The following PPFIA2 variants were observed in gnomAD, a reference collection of about 807,000 sequenced individuals.
The protein encoded by PPFIA2 is PPFI scaffold protein A2.
A neutral mutation model predicts 175.5 loss-of-function variants in PPFIA2; 46 were observed. The ratio of observed to expected loss-of-function variants is 0.26; its 90% CI spans 0.21 to 0.34. The LOEUF is 0.34. PPFIA2 is among the 10% of genes least tolerant of loss of function. PPFIA2 has a pLI of 1.00. For synonymous variants in PPFIA2, 568 were observed against 511.4 expected (o/e 1.11, Z -1.49); for missense variants, 1,179 against 1,506.1 (o/e 0.78, Z 3.60).
chr12:81,391,583 C>T (rs555356229), intron 8 of PPFIA2, among the ~76,000 whole-genome samples: 83 of 152,050 alleles, frequency 5.5e-4, no homozygotes, highest in African/African-American at 2.0e-3. Flanking sequence ...AAAGCCATTC[C>T]TATCTGTAAT....
chr12:81,664,147 A>C (rs1482730500), intron 4 of PPFIA2, among the ~76,000 whole-genome samples: 1 of 152,218 alleles, frequency 6.6e-6, no homozygotes, highest in African/African-American at 2.4e-5. Context: ...TTCATGTCTA[A>C]AACACCAAAA....
chr12:81,309,075 T>C lies in PPFIA2; in HGVS notation c.2643-9693A>G, dbSNP rs143697393. 9.0e-3 allele frequency among the ~76,000 whole-genome samples: 1,367 copies of C among 152,272 alleles called. 27 individuals carry two copies. Among genetic ancestry groups the C allele is most frequent in the African/African-American group, 0.031 (1,280 of 41,558 alleles). On this transcript the variant is annotated intron_variant, in intron 22 of 32. Coordinates refer to ENST00000549396, the MANE Select transcript of PPFIA2 (RefSeq NM_003625.5). Reference sequence around the variant, plus strand: ...ATTTTGCATCACAGAAAATAAATCTTCCTTACATAATAGTAGCAGGAAATG... The same window carrying C: ...ATTTTGCATCACAGAAAATAAATCTCCCTTACATAATAGTAGCAGGAAATG...
At chr12:81,736,665 C>A (rs1597046899) in intron 3 of PPFIA2, among the ~76,000 whole-genome samples, 1 of 151,848 alleles carries the variant, frequency 6.6e-6, no homozygotes, top group Non-Finnish European at 1.5e-5. Context: ...TAGGAGTACA[C>A]CAGAAAAAAA....
intron 3 of PPFIA2, among the ~76,000 whole-genome samples, chr12:81,720,923 AT>A (rs2153629067): frequency 6.6e-6 from 1 of 151,438 alleles, no homozygotes; most frequent in South Asian, 2.1e-4. Flanking sequence ...TAAATATTCC[AT>A]GTTCAAAAGC....
chr12:81,384,244 G>A lies in PPFIA2; in HGVS notation c.763C>T (p.Arg255Cys), dbSNP rs746644272. 1.3e-5 allele frequency: 19 copies of A among 1,502,816 alleles called. No homozygotes were observed. Among genetic ancestry groups the A allele is most frequent in the Middle Eastern group, 1.7e-4 (1 of 5,742 alleles). The allele number at this position is 1,502,816 out of a possible 1,614,324, so 93.1% of individuals were successfully genotyped here. The change falls in exon 9 of 33, where the codon CGT becomes TGT. Residue 255 changes from arginine (R) to cysteine (C), a missense_variant and splice_region_variant. Arg to Cys is a radical substitution (Grantham distance 180, BLOSUM62 -3). This residue lies in a region of PPFIA2 where 226 missense variants were observed against 216.6 expected (regional missense o/e 1.04). Coordinates refer to ENST00000549396, the MANE Select transcript of PPFIA2 (RefSeq NM_003625.5). ...GAGTCTATAGAACCATTGGACAAAC[G>A]CTGCAGAAATAGAAAAAGAAATGGC... ...MEPGQKVHEK[R>C]LSNGSIDSTD...
chr12:81,623,829 A>G (rs2062359850), intron 4 of PPFIA2, among the ~76,000 whole-genome samples: 1 of 151,994 alleles, frequency 6.6e-6, no homozygotes, highest in Non-Finnish European at 1.5e-5. Flanking sequence ...TTTACTTAGT[A>G]TTCTTTTATC....
chr12:81,578,704 TGA>T (rs1342409817), intron 4 of PPFIA2, among the ~76,000 whole-genome samples: 2 of 151,922 alleles, frequency 1.3e-5, no homozygotes, highest in East Asian at 3.9e-4. Flanking sequence ...CATTTTATAG[TGA>T]GAGCGTAGTT....
chr12:81,349,647 G>C (rs1439791414), intron 17 of PPFIA2, among the ~76,000 whole-genome samples: 1 of 151,932 alleles, frequency 6.6e-6, no homozygotes, highest in Non-Finnish European at 1.5e-5. Context: ...TTTTTTTCTG[G>C]TGAGATGTAA....
chr12:81,679,240 T>C (rs759452378), intron 3 of PPFIA2, among the ~76,000 whole-genome samples: 5 of 151,994 alleles, frequency 3.3e-5, no homozygotes, highest in Non-Finnish European at 5.9e-5. Flanking sequence ...AAAGTTTCTG[T>C]TCATGTAAAA....
At chr12:81,493,730 TTGTGTGTGTGTG>T (rs3075419) in intron 4 of PPFIA2, among the ~76,000 whole-genome samples, 1 of 122,326 alleles carries the variant, frequency 8.2e-6, no homozygotes, top group Non-Finnish European at 1.7e-5. Context: ...GAGTGTGTGT[TTGTGTGTGTGTG>T]TGTGTGTGTG....
intron 4 of PPFIA2, among the ~76,000 whole-genome samples, chr12:81,650,380 C>T (rs565614779): frequency 4.6e-5 from 7 of 151,738 alleles, no homozygotes; most frequent in South Asian, 2.1e-4. Context: ...TTAAATATAC[C>T]GGATAACTTG....
chr12:81,418,970 A>C (rs1391737478), intron 7 of PPFIA2, among the ~76,000 whole-genome samples: 1 of 152,044 alleles, frequency 6.6e-6, no homozygotes, highest in Non-Finnish European at 1.5e-5. Flanking sequence ...GAAAAAAAAC[A>C]GTTTAAAATT....
chr12:81,451,936 T>C (rs2052661857), intron 5 of PPFIA2, among the ~76,000 whole-genome samples: 1 of 152,176 alleles, frequency 6.6e-6, no homozygotes. Flanking sequence ...GCTACAACTT[T>C]AGCCTAATAT....
chr12:81,262,029 T>C lies in PPFIA2; in HGVS notation c.3727A>G (p.Arg1243Gly). The C allele has an allele frequency of 6.2e-7, 1 of 1,602,260 alleles. No individual in the cohort carries two copies. Among genetic ancestry groups the C allele is most frequent in the Non-Finnish European group, 8.5e-7 (1 of 1,172,778 alleles). ...RKMTTDVASSRLQRLDNSTVR... is the reference protein window; with the variant it reads ...RKMTTDVASSGLQRLDNSTVR... The stretch of plus-strand genomic sequence containing the variant: ...GTGGAGTTGTCTAACCTCTGCAGTC[T>C]TGATGAAGCAACTGCAAATGGAGAA... The change falls in exon 32 of 33, where the codon AGA (arginine) becomes GGA (glycine). Residue 1243 changes from arginine (R) to glycine (G), a missense_variant. By Grantham distance (125) the Arg-to-Gly change is moderately radical. Around this residue, in one of 10 missense-constraint regions of PPFIA2, gnomAD observed 245 missense variants for 375.1 expected, o/e 0.65. Transcript: ENST00000549396.
intron 26 of PPFIA2, among the ~76,000 whole-genome samples, chr12:81,281,837 A>C (rs2137013000): frequency 6.6e-6 from 1 of 152,190 alleles, no homozygotes; most frequent in South Asian, 2.1e-4. Flanking sequence ...CCCACTTATC[A>C]ATGCCACTAC....
intron 4 of PPFIA2, among the ~76,000 whole-genome samples, chr12:81,613,803 C>T (rs2061170732): frequency 6.6e-6 from 1 of 152,062 alleles, no homozygotes. Context: ...AGACATCTTC[C>T]TCTGGCTGTT....
chr12:81,754,846 C>T (rs2084391055), intron 2 of PPFIA2, among the ~76,000 whole-genome samples: 2 of 152,088 alleles, frequency 1.3e-5, no homozygotes, highest in Admixed American at 6.6e-5. Flanking sequence ...TCTGACATTA[C>T]ATTTTCCATT....
chr12:81,437,445 G>A (rs1277241089), intron 7 of PPFIA2, among the ~76,000 whole-genome samples: 2 of 152,084 alleles, frequency 1.3e-5, no homozygotes, highest in African/African-American at 2.4e-5. Flanking sequence ...TAGCCAGGAT[G>A]GTCTCGCTTG....
chr12:81,303,617 G>T (rs1190120283), intron 22 of PPFIA2, among the ~76,000 whole-genome samples: 2 of 152,120 alleles, frequency 1.3e-5, no homozygotes, highest in Non-Finnish European at 2.9e-5. Flanking sequence ...ATAAGTTACT[G>T]TGACTAGAAA....
Sources: allele counts gnomAD v4.1 joint callset (sites outside exome capture counted in the v4.1 genomes callset), GRCh38; gene constraint gnomAD v4.1.1; regional missense constraint gnomAD v4.1.1; transcripts MANE v1.5; gene names NCBI Gene and HGNC (gene_info 2026-07-23, HGNC 2026-07-21).